SMC4: variants seen among roughly 807,000 people sequenced by gnomAD.
SMC4 encodes the protein structural maintenance of chromosomes 4, also known as structural maintenance of chromosomes protein 4.
A neutral mutation model predicts 145.6 loss-of-function variants in SMC4; 87 were observed. The ratio of observed to expected loss-of-function variants is 0.60; its 90% CI spans 0.50 to 0.71. The LOEUF (loss-of-function observed/expected upper bound fraction) is 0.71, where lower values mean the gene tolerates loss of function less well. Ranked by LOEUF, SMC4 falls within the 30% of genes least tolerant of loss-of-function variation. SMC4 has a pLI of 0.00. For synonymous variants in SMC4, 558 were observed against 500.7 expected, an observed-to-expected ratio of 1.11 and a Z score of -1.53; for missense variants, 1,447 against 1,537.1, an observed-to-expected ratio of 0.94 and a Z score of 0.98.
intron 13 of SMC4, 99 bp downstream of exon 13, chr3:160,421,000 G>A (rs1290993786): frequency 4.1e-6 from 4 of 980,574 alleles, no homozygotes; most frequent in Non-Finnish European, 5.8e-6. Flanking sequence ...CATGATCTTG[G>A]CTCACTGCAA....
Position 160,432,315 on chromosome 3 carries a change from G to C in SMC4, c.3330G>C (p.Leu1110Phe). Residue 1110 changes from leucine (L) to phenylalanine (F), a missense_variant, in exon 22 of 24, where the codon TTG (leucine) becomes TTC (phenylalanine). Coordinates refer to ENST00000357388, the MANE Select transcript of SMC4 (RefSeq NM_001002800.3). ...TGTATTTGCAACGGGTAGCAGAATT[G>C]GACAAAATTACTTATGAAAGAGACA... ...EELYLQRVAELDKITYERDSF... is the reference protein window; with the variant it reads ...EELYLQRVAEFDKITYERDSF... 6.2e-7 allele frequency: 1 copy of C among 1,611,142 alleles called. No homozygotes were observed. Among genetic ancestry groups the C allele is most frequent in the Non-Finnish European group, 8.5e-7 (1 of 1,179,132 alleles).
At chr3:160,414,608 T>C in intron 9 of SMC4, 91 bp downstream of exon 9, 1 of 1,165,112 alleles carries the variant, frequency 8.6e-7, no homozygotes, top group Non-Finnish European at 1.2e-6. Context: ...CCTAAGAGAA[T>C]GAATTAGTAT....
intron 5 of SMC4, among the ~76,000 whole-genome samples, chr3:160,411,606 T>A: frequency 6.6e-6 from 1 of 152,164 alleles, no homozygotes; most frequent in Admixed American, 6.5e-5. Flanking sequence ...GAAACAAGTT[T>A]TATTTATTTA....
chr3:160,428,218 G>T (rs1315919213), intron 17 of SMC4, among the ~76,000 whole-genome samples: 2 of 152,162 alleles, frequency 1.3e-5, no homozygotes, highest in African/African-American at 4.8e-5. Flanking sequence ...TGATTGAATT[G>T]ACCTAAATTA....
chr3:160,417,840 C>A lies in SMC4; in HGVS notation c.1555C>A (p.Gln519Lys), dbSNP rs1167281013. 8 of 1,613,704 alleles carry A rather than the reference C, an allele frequency of 5.0e-6. No individual in the cohort carries two copies. The highest frequency in any genetic ancestry group is 6.8e-6 in the Non-Finnish European group (8 of 1,179,794). Residue 519 changes from glutamine (Q) to lysine (K), a missense_variant, in exon 11 of 24, where the codon CAA becomes AAA. By Grantham distance (53) the Gln-to-Lys change is moderately conservative. Transcript: ENST00000357388. Reference sequence around the variant, plus strand: ...CAGTCGTCATAATACTGCAGTGTCTCAATTAACTAAGGCTAAGGAAGCTCT... The same window carrying A: ...CAGTCGTCATAATACTGCAGTGTCTAAATTAACTAAGGCTAAGGAAGCTCT... ...YLSRHNTAVS[Q>K]LTKAKEALIA... is the part of the protein sequence containing the mutation.
At chr3:160,432,244 T>G in intron 21 of SMC4, 39 bp from the exon 22 acceptor site, 1 of 1,389,068 alleles carries the variant, frequency 7.2e-7, no homozygotes, top group Non-Finnish European at 1.0e-6. Flanking sequence ...CATATCAAAT[T>G]TATCTGAATA....
intron 2 of SMC4, 99 bp downstream of exon 2, chr3:160,401,064 G>T: frequency 7.6e-7 from 1 of 1,318,860 alleles, no homozygotes; most frequent in South Asian, 1.9e-5. Context: ...GCGCGGAGTT[G>T]ACATCTGAAG....
At chr3:160,432,615 CA>C (rs1168578434) in intron 22 of SMC4, 100 bp downstream of exon 22, 2 of 749,058 alleles carry the variant, frequency 2.7e-6, no homozygotes, top group Admixed American at 3.2e-5. Flanking sequence ...GCAAGATGTA[CA>C]ACTTGTTTCA....
rs1357083843 is a variant in SMC4 at position 160,433,998 on chromosome 3, AT to A, written c.*190del. ...ATAATTGCTTCTAGATTACAAAAAT[AT>A]GACAATCTTGTAAGTAGCAGACTAT... On this transcript the variant is annotated 3_prime_UTR_variant, in exon 24 of 24. Transcript: ENST00000357388. The A allele has an allele frequency of 1.6e-5, 7 of 442,928 alleles. No homozygotes were observed. Among genetic ancestry groups the A allele is most frequent in the Non-Finnish European group, 2.4e-5 (6 of 251,906 alleles). The allele number at this position is 442,928 out of a possible 1,614,324, so 27.4% of individuals were successfully genotyped here. A position where few individuals can be genotyped will look rare whatever the true frequency, so the allele number is the denominator to read the frequency against.
intron 23 of SMC4, 158 bp from the exon 24 acceptor site, chr3:160,433,499 C>T (rs1718648627): frequency 1.8e-6 from 1 of 559,842 alleles, no homozygotes; most frequent in Admixed American, 3.7e-5. Context: ...TAACCAAATT[C>T]CTTTCACACT....
At chr3:160,429,515 T>C (rs1718144900) in intron 18 of SMC4, among the ~76,000 whole-genome samples, 1 of 151,794 alleles carries the variant, frequency 6.6e-6, no homozygotes, top group African/African-American at 2.4e-5. Context: ...GGCTAATTTT[T>C]GTATTTTTTT....
At chr3:160,412,479 A>ATT in intron 7 of SMC4, 26 bp downstream of exon 7, 1 of 1,575,490 alleles carries the variant, frequency 6.3e-7, no homozygotes, top group East Asian at 2.3e-5. Context: ...GATATTACCA[A>ATT]TTTTTATATT....
At chr3:160,410,292 A>G (rs774927358) in intron 5 of SMC4, among the ~76,000 whole-genome samples, 1 of 152,182 alleles carries the variant, frequency 6.6e-6, no homozygotes, top group Non-Finnish European at 1.5e-5. Flanking sequence ...ATAGCTCTCC[A>G]CAACAAAGAA....
intron 17 of SMC4, among the ~76,000 whole-genome samples, chr3:160,428,317 C>G (rs1718019411): frequency 1.3e-5 from 2 of 152,196 alleles, no homozygotes; most frequent in Admixed American, 1.3e-4. Context: ...ATCTTATATC[C>G]TCCACTTTGT....
At position 160,414,363 on chromosome 3, in the gene SMC4, C is replaced by T. The variant is rs781296602; in HGVS notation, c.1122-4C>T. 2 of 1,588,050 alleles carry T rather than the reference C, an allele frequency of 1.3e-6. No individual in the cohort carries two copies. The highest frequency in any genetic ancestry group is 2.2e-5 in the South Asian group (2 of 89,466). The stretch of plus-strand genomic sequence containing the variant: ...AATGACTTACAATATACTTGCTTTG[C>T]TAGGAAACTGAATAAAATTACAAAA... On this transcript the variant is annotated splice_region_variant and splice_polypyrimidine_tract_variant and intron_variant, in intron 8 of 23. Coordinates refer to ENST00000357388, the MANE Select transcript of SMC4 (RefSeq NM_001002800.3).
rs1714755773 is a variant in SMC4, at chr3:160,402,139, T to G, written c.318+46T>G. On this transcript the variant is annotated intron_variant, in intron 3 of 23. Coordinates refer to ENST00000357388, the MANE Select transcript of SMC4 (RefSeq NM_001002800.3). ...ATTTTATAACTTTTTAAATAACTAT[T>G]GTAAGGTAATACGTTTTTACAAGAT... 7 of 1,234,782 alleles carry G rather than the reference T, an allele frequency of 5.7e-6. No homozygotes were observed. In the East Asian group the frequency reaches 2.0e-4, roughly 35 times the overall value. 76.5% of individuals were successfully genotyped at this position (1,234,782 alleles called of 1,614,324 possible).
intron 13 of SMC4, 61 bp from the exon 14 acceptor site, chr3:160,423,364 T>TG: frequency 1.0e-6 from 1 of 976,332 alleles, no homozygotes; most frequent in Non-Finnish European, 1.5e-6. Context: ...TTTTTGTTTT[T>TG]TTTTTTGAGT....
At chr3:160,433,259 T>A in intron 23 of SMC4, 50 bp downstream of exon 23, 1 of 1,247,800 alleles carries the variant, frequency 8.0e-7, no homozygotes, top group Non-Finnish European at 1.1e-6. Flanking sequence ...AGGGGTATCC[T>A]AAACATTACA....
In SMC4 at chr3:160,424,901, C is replaced by T. The variant is rs1158850677; in HGVS notation, c.2360C>T (p.Ser787Phe). ...ATGGAATCACAGTTGCAAAACGACT[C>T]TAAAAAAGCAATGCAAATCCAAGAA... ...NKMESQLQND[S>F]KKAMQIQEQK... The change falls in exon 16 of 24, where the codon TCT becomes TTT. Residue 787 changes from serine (S) to phenylalanine (F), a missense_variant. Transcript: ENST00000357388. 1 of 1,613,932 alleles carries T rather than the reference C, an allele frequency of 6.2e-7. No individual in the cohort carries two copies. Among genetic ancestry groups the T allele is most frequent in the East Asian group, 2.2e-5 (1 of 44,854 alleles).
Sources: allele counts gnomAD v4.1 joint callset (sites outside exome capture counted in the v4.1 genomes callset), GRCh38; gene constraint gnomAD v4.1.1; transcripts MANE v1.5; gene names NCBI Gene and HGNC (gene_info 2026-07-23, HGNC 2026-07-21).